Variants in TRMT11 observed in about 807,000 individuals in gnomAD.
TRMT11 encodes the protein tRNA (guanine(10)-N(2))-methyltransferase TRMT11.
TRMT11 carries 53 observed loss-of-function variants against 62.8 expected under a neutral mutation model. The ratio of observed to expected loss-of-function variants is 0.84; its 90% CI spans 0.68 to 1.06. TRMT11 has a LOEUF of 1.06. Among genes scored for constraint, TRMT11 ranks in the 50% least tolerant of loss-of-function variants. TRMT11 has a pLI of 0.00. For missense variants in TRMT11, 556 were observed against 553.4 expected (o/e 1.00, Z -0.05); for synonymous variants, 188 against 190.3 (o/e 0.99, Z 0.10).
At chr6:126,196,169 G>A (rs1778664549) in intron 1 of TRMT11, among the ~76,000 whole-genome samples, 1 of 152,182 alleles carries the variant, frequency 6.6e-6, no homozygotes, top group Non-Finnish European at 1.5e-5. Flanking sequence ...TATCCAGGTG[G>A]TAAATAGGTA....
At chr6:126,243,139 C>T in the TRMT11 span, among the ~76,000 whole-genome samples, 2 of 152,194 alleles carry the variant, frequency 1.3e-5, no homozygotes, top group Admixed American at 1.3e-4. Context: ...TGAACAGACA[C>T]TTCTCAAAAG....
At chr6:126,071,125 T>C (rs1776839314) in intron 17 of TRMT11, among the ~76,000 whole-genome samples, 1 of 152,160 alleles carries the variant, frequency 6.6e-6, no homozygotes, top group Non-Finnish European at 1.5e-5. Context: ...AAGTAACAGT[T>C]CTTCTCCTCC....
the TRMT11 span, among the ~76,000 whole-genome samples, chr6:126,228,995 T>C: frequency 6.6e-6 from 1 of 152,224 alleles, no homozygotes; most frequent in Admixed American, 6.5e-5. Context: ...TTCATGAAGA[T>C]ATGTGGCTCC....
intron 21 of TRMT11, among the ~76,000 whole-genome samples, chr6:126,164,546 C>G (rs914072082): frequency 2.0e-5 from 3 of 152,168 alleles, no homozygotes; most frequent in Admixed American, 6.5e-5. Flanking sequence ...TTTTCTGTCT[C>G]ATTGATCTGT....
In TRMT11 at chr6:126,188,235, A is replaced by G. The variant is rs142809435; in HGVS notation, n.144-10564A>G. The stretch of plus-strand genomic sequence containing the variant: ...TTGGGAGAAAATATTCACGATGCTT[A>G]TATTTGACAAGATTCACATCTAGAA... On this transcript the variant is annotated intron_variant and non_coding_transcript_variant, in intron 1 of 3. Transcript: ENST00000444229. Among the ~76,000 whole-genome samples the G allele has an allele frequency of 8.7e-3, 1,323 of 152,196 alleles. 19 individuals carry two copies. Among genetic ancestry groups the G allele is most frequent in the Non-Finnish European group, 0.014 (955 of 67,926 alleles).
chr6:126,010,053 A>G (rs1197394184), intron 8 of TRMT11, among the ~76,000 whole-genome samples: 1 of 151,752 alleles, frequency 6.6e-6, no homozygotes, highest in African/African-American at 2.4e-5. Context: ...GCAAATCTGT[A>G]GAGGTTCTCT....
intron 21 of TRMT11, among the ~76,000 whole-genome samples, chr6:126,115,906 C>T (rs1215030420): frequency 6.6e-6 from 1 of 152,008 alleles, no homozygotes; most frequent in African/African-American, 2.4e-5. Flanking sequence ...TGCTGCACCC[C>T]CTGAGAGATA....
chr6:126,252,440 T>G, the TRMT11 span, among the ~76,000 whole-genome samples: 2 of 152,226 alleles, frequency 1.3e-5, no homozygotes, highest in Non-Finnish European at 2.9e-5. Context: ...AAGTGGATGT[T>G]GCAGGGTCTC....
chr6:126,187,133 A>G (rs1478288475), intron 1 of TRMT11, among the ~76,000 whole-genome samples: 1 of 152,018 alleles, frequency 6.6e-6, no homozygotes, highest in East Asian at 1.9e-4. Flanking sequence ...ATAAGGAGAA[A>G]GAAATAAACT....
intron 1 of TRMT11, 142 bp downstream of exon 1, chr6:125,986,764 C>A: frequency 1.3e-6 from 1 of 762,510 alleles, no homozygotes; most frequent in Non-Finnish European, 2.1e-6. Flanking sequence ...GTCCCCAGTC[C>A]TCGGGCGGGG....
chr6:126,259,968 G>A, the TRMT11 span, among the ~76,000 whole-genome samples: 1 of 152,060 alleles, frequency 6.6e-6, no homozygotes, highest in Admixed American at 6.6e-5. Context: ...CTGCTAAGGT[G>A]AGTCTCTTGC....
intron 17 of TRMT11, among the ~76,000 whole-genome samples, chr6:126,078,025 A>G (rs1777070182): frequency 6.6e-6 from 1 of 152,154 alleles, no homozygotes; most frequent in African/African-American, 2.4e-5. Context: ...GTGCTAATGC[A>G]TCACCCCACT....
intron 12 of TRMT11, among the ~76,000 whole-genome samples, chr6:126,021,715 C>G (rs1330217979): frequency 5.3e-5 from 8 of 152,134 alleles, no homozygotes; most frequent in Non-Finnish European, 8.8e-5. Flanking sequence ...TGTTAGGGCC[C>G]AACACATTCT....
At chr6:126,229,442 T>A in the TRMT11 span, among the ~76,000 whole-genome samples, 49 of 152,194 alleles carry the variant, frequency 3.2e-4, no homozygotes, top group South Asian at 3.7e-3. Context: ...ATTGAAAAAA[T>A]TTTTCTTGGG....
intron 21 of TRMT11, among the ~76,000 whole-genome samples, chr6:126,143,190 A>AT (rs906122484): frequency 1.2e-4 from 18 of 152,172 alleles, no homozygotes; most frequent in South Asian, 4.1e-4. Context: ...CCAAAAAATA[A>AT]TTTTTTTCTG....
chr6:126,014,507 C>T (rs1279176091), intron 11 of TRMT11, among the ~76,000 whole-genome samples: 1 of 152,176 alleles, frequency 6.6e-6, no homozygotes, highest in Non-Finnish European at 1.5e-5. Flanking sequence ...CCTCAGCCTC[C>T]CAAAGTGTTG....
At chr6:126,083,911 A>G (rs1205431310) in intron 17 of TRMT11, among the ~76,000 whole-genome samples, 1 of 152,144 alleles carries the variant, frequency 6.6e-6, no homozygotes, top group Non-Finnish European at 1.5e-5. Context: ...ATTGTGGCAA[A>G]TGGCAAGATC....
intron 17 of TRMT11, among the ~76,000 whole-genome samples, chr6:126,055,761 G>A (rs1023941427): frequency 3.9e-5 from 6 of 152,082 alleles, no homozygotes; most frequent in Non-Finnish European, 8.8e-5. Flanking sequence ...AAGTTCTACA[G>A]CCATCTTTTT....
chr6:125,992,599 G>C (rs1790801703), intron 1 of TRMT11, among the ~76,000 whole-genome samples: 1 of 152,174 alleles, frequency 6.6e-6, no homozygotes, highest in Admixed American at 6.5e-5. Context: ...CACCTAACCT[G>C]ATGAGGTAGC....
Sources: gnomAD v4.1 joint callset for allele counts (sites outside exome capture counted in the v4.1 genomes callset) on GRCh38, gnomAD v4.1.1 for gene constraint, MANE v1.5 for transcripts, NCBI Gene and HGNC (gene_info 2026-07-23, HGNC 2026-07-21) for gene names.